SLC39A11: variants seen among roughly 807,000 people sequenced by gnomAD.
SLC39A11 encodes solute carrier family 39 member 11.
A neutral mutation model predicts 36.1 loss-of-function variants in SLC39A11; 33 were observed. That is an observed-to-expected ratio of 0.91 (90% CI 0.69 to 1.22). SLC39A11 has a LOEUF of 1.22. Ranked by LOEUF, SLC39A11 falls within the 50% of genes most tolerant of loss-of-function variation. The probability of loss-of-function intolerance (pLI) is 0.00; values close to 1 mark genes in which losing one functional copy is unlikely to be tolerated. For synonymous variants in SLC39A11, 166 were observed against 170.3 expected (o/e 0.97, Z 0.20); for missense variants, 432 against 430.3 (o/e 1.00, Z -0.03).
At chr17:72,930,332 TG>T (rs2084308627) in intron 5 of SLC39A11, among the ~76,000 whole-genome samples, 1 of 152,176 alleles carries the variant, frequency 6.6e-6, no homozygotes, top group African/African-American at 2.4e-5. Flanking sequence ...CTACAGGGGC[TG>T]CTTAATCCCA....
At chr17:72,872,342 G>T (rs571869833) in intron 5 of SLC39A11, among the ~76,000 whole-genome samples, 1 of 152,288 alleles carries the variant, frequency 6.6e-6, no homozygotes, top group South Asian at 2.1e-4. Flanking sequence ...GGCGTTGGAA[G>T]GTCATCAGGG....
intron 7 of SLC39A11, among the ~76,000 whole-genome samples, chr17:72,723,415 A>G (rs923714688): frequency 6.6e-6 from 1 of 151,832 alleles, no homozygotes; most frequent in Non-Finnish European, 1.5e-5. Flanking sequence ...AAGGAAAACC[A>G]TCTTTCAGAG....
At chr17:73,039,778 C>A (rs958310118) in intron 3 of SLC39A11, among the ~76,000 whole-genome samples, 3 of 152,186 alleles carry the variant, frequency 2.0e-5, no homozygotes, top group Non-Finnish European at 4.4e-5. Context: ...CACAGACTCA[C>A]TTAGAGTCAA....
chr17:72,888,611 A>C (rs2081556507), intron 5 of SLC39A11, among the ~76,000 whole-genome samples: 1 of 152,204 alleles, frequency 6.6e-6, no homozygotes, highest in Admixed American at 6.5e-5. Context: ...CATCCAAGAT[A>C]AGTGTTGAGG....
At chr17:72,917,734 G>A (rs547281386) in intron 5 of SLC39A11, among the ~76,000 whole-genome samples, 12 of 152,332 alleles carry the variant, frequency 7.9e-5, no homozygotes, top group African/African-American at 2.4e-4. Flanking sequence ...GAACCACTGT[G>A]ATGTAAATAT....
chr17:73,091,369 G>A (rs539394546), intron 1 of SLC39A11, among the ~76,000 whole-genome samples: 8 of 152,166 alleles, frequency 5.3e-5, no homozygotes, highest in African/African-American at 1.7e-4. Context: ...GCTTGAACCC[G>A]GGAGGCGGAG....
intron 3 of SLC39A11, among the ~76,000 whole-genome samples, chr17:73,039,302 T>C (rs978361555): frequency 6.6e-6 from 1 of 151,880 alleles, no homozygotes; most frequent in African/African-American, 2.4e-5. Flanking sequence ...TCTTGCGCTA[T>C]ACCCCACTTC....
In SLC39A11 at chr17:73,083,777, T is replaced by C. The variant is rs565129332; in HGVS notation, c.147+1031A>G. Reference sequence around the variant, plus strand: ...TAAAAGATATAACAAGCAAATGCAATATAGAAACCTTGTTTGGACCCCAAT... The same window carrying C: ...TAAAAGATATAACAAGCAAATGCAACATAGAAACCTTGTTTGGACCCCAAT... On this transcript the variant is annotated intron_variant, in intron 3 of 9. Transcript: ENST00000255559. Among the ~76,000 whole-genome samples, 3 of 152,142 alleles carry C rather than the reference T, an allele frequency of 2.0e-5. No individual in the cohort carries two copies. In the East Asian group the frequency reaches 5.8e-4, roughly 29 times the overall value.
chr17:72,807,982 G>T (rs1334104717), intron 6 of SLC39A11, among the ~76,000 whole-genome samples: 1 of 151,908 alleles, frequency 6.6e-6, no homozygotes, highest in African/African-American at 2.4e-5. Context: ...GATACTGTCA[G>T]AATTGAGTTA....
At chr17:72,719,127 G>A (rs2073539091) in intron 7 of SLC39A11, among the ~76,000 whole-genome samples, 1 of 151,908 alleles carries the variant, frequency 6.6e-6, no homozygotes, top group Non-Finnish European at 1.5e-5. Context: ...CATGCCTGTA[G>A]TCCCAGCTAT....
intron 7 of SLC39A11, among the ~76,000 whole-genome samples, chr17:72,703,299 C>T (rs1465047000): frequency 6.6e-6 from 1 of 152,142 alleles, no homozygotes; most frequent in East Asian, 1.9e-4. Flanking sequence ...AAGCCAAATC[C>T]CTCTACACTC....
chr17:73,017,246 T>C (rs1415564210), intron 4 of SLC39A11, among the ~76,000 whole-genome samples: 2 of 152,100 alleles, frequency 1.3e-5, no homozygotes, highest in South Asian at 2.1e-4. Context: ...AAGTAAAATA[T>C]ATAAAGCAAC....
chr17:72,974,595 G>A (rs1049464635), intron 4 of SLC39A11, among the ~76,000 whole-genome samples: 3 of 152,194 alleles, frequency 2.0e-5, no homozygotes, highest in Non-Finnish European at 2.9e-5. Context: ...GTTTTTACAA[G>A]CTGATAAGGT....
intron 4 of SLC39A11, among the ~76,000 whole-genome samples, chr17:73,021,265 C>T (rs114658457): frequency 2.1e-3 from 313 of 152,270 alleles, no homozygotes; most frequent in East Asian, 0.018. Flanking sequence ...AAGACAGACA[C>T]GGTCCCAGTC....
chr17:73,026,233 A>AGAGAAGAGAAGAGAAGAGAC (rs374840533), intron 4 of SLC39A11, among the ~76,000 whole-genome samples: 1 of 150,480 alleles, frequency 6.6e-6, no homozygotes, highest in Admixed American at 6.7e-5. Flanking sequence ...AGAGAAGAGA[A>AGAGAAGAGAAGAGAAGAGAC]AAGGGAAAAG....
chr17:72,845,017 A>G (rs2078987681), intron 6 of SLC39A11, among the ~76,000 whole-genome samples: 1 of 152,170 alleles, frequency 6.6e-6, no homozygotes. Flanking sequence ...ATCGGGACCC[A>G]GGAAGGGATC....
At chr17:72,783,017 A>G (rs1180578410) in intron 6 of SLC39A11, among the ~76,000 whole-genome samples, 3 of 151,368 alleles carry the variant, frequency 2.0e-5, no homozygotes, top group African/African-American at 7.3e-5. Context: ...AAAAAAAAAA[A>G]AAAAAGAAAA....
At chr17:72,809,295 A>C (rs2077363832) in intron 6 of SLC39A11, among the ~76,000 whole-genome samples, 2 of 148,872 alleles carry the variant, frequency 1.3e-5, no homozygotes, top group African/African-American at 5.0e-5. Context: ...CTCTTGGTTC[A>C]TTTATCTGGA....
At chr17:72,698,165 T>C (rs1013993627) in intron 7 of SLC39A11, among the ~76,000 whole-genome samples, 1 of 152,134 alleles carries the variant, frequency 6.6e-6, no homozygotes, top group Non-Finnish European at 1.5e-5. Flanking sequence ...CTTTTACTTA[T>C]GCACAGGCTG....
Sources: gnomAD v4.1 joint callset for allele counts (sites outside exome capture counted in the v4.1 genomes callset) on GRCh38, gnomAD v4.1.1 for gene constraint, MANE v1.5 for transcripts, NCBI Gene and HGNC (gene_info 2026-07-23, HGNC 2026-07-21) for gene names.